Variants in SNX19 observed in about 807,000 individuals in gnomAD.
The protein encoded by SNX19 is sorting nexin-19.
A neutral mutation model predicts 85.2 loss-of-function variants in SNX19; 60 were observed. The ratio of observed to expected loss-of-function variants is 0.70; its 90% CI spans 0.57 to 0.87. The LOEUF (loss-of-function observed/expected upper bound fraction) is 0.87, where lower values mean the gene tolerates loss of function less well. Ranked by LOEUF, SNX19 falls within the 40% of genes least tolerant of loss-of-function variation. SNX19 has a pLI of 0.00. For missense variants in SNX19, 1,201 were observed against 1,217.8 expected, an observed-to-expected ratio of 0.99 and a Z score of 0.21; for synonymous variants, 520 against 470.0, an observed-to-expected ratio of 1.11 and a Z score of -1.38.
intron 9 of SNX19, 110 bp from the exon 10 acceptor site, chr11:130,879,821 G>T: frequency 1.2e-6 from 1 of 831,824 alleles, no homozygotes; most frequent in Non-Finnish European, 2.0e-6. Context: ...AGGTATTTCA[G>T]GCCTACCTCT....
chr11:130,907,813 G>A, intron 5 of SNX19, 140 bp downstream of exon 5: 3 of 1,296,012 alleles, frequency 2.3e-6, no homozygotes, highest in Non-Finnish European at 3.2e-6. Context: ...AGGAGCCTGG[G>A]GTCTAGCTTT....
rs931496002 is a variant in SNX19, at chr11:130,872,663, G to A, written c.*5759C>T. Among the ~76,000 whole-genome samples the A allele has an allele frequency of 7.9e-5, 12 of 152,120 alleles. No homozygotes were observed. Among genetic ancestry groups the A allele is most frequent in the African/African-American group, 2.7e-4 (11 of 41,422 alleles). On this transcript the variant is annotated 3_prime_UTR_variant, in exon 11 of 11. Coordinates refer to ENST00000265909, the MANE Select transcript of SNX19 (RefSeq NM_014758.3). Reference sequence around the variant, plus strand: ...TTTCTTGTCTACAAAGGCAGGGTGAGCGACTGCTGCCCTGTGATTTCTGGC... The same window carrying A: ...TTTCTTGTCTACAAAGGCAGGGTGAACGACTGCTGCCCTGTGATTTCTGGC...
At chr11:130,901,455 A>G (rs183664793) in intron 8 of SNX19, among the ~76,000 whole-genome samples, 195 of 152,150 alleles carry the variant, frequency 1.3e-3, no homozygotes, top group Non-Finnish European at 2.5e-3. Flanking sequence ...GGCCAAGCAG[A>G]CAAGAAGAGG....
At position 130,915,320 on chromosome 11, in the gene SNX19, G is replaced by T. The variant is rs760246853; in HGVS notation, c.620C>A (p.Ala207Asp). 1 of 1,614,204 alleles carries T rather than the reference G, an allele frequency of 6.2e-7. No homozygotes were observed. Among genetic ancestry groups the T allele is most frequent in the Non-Finnish European group, 8.5e-7 (1 of 1,180,024 alleles). The part of the protein sequence containing the change: ...APHPAVHSPS[A>D]EVTYTRGVVN... The stretch of plus-strand genomic sequence containing the variant: ...AACGCCACGCGTATAGGTGACTTCA[G>T]CACTGGGGCTGTGCACAGCAGGATG... Residue 207 changes from alanine to aspartate, a missense_variant, in exon 1 of 11, where the codon GCT becomes GAT. Around this residue, in one of 3 missense-constraint regions of SNX19, gnomAD observed 791 missense variants for 750.9 expected, o/e 1.05. Transcript: ENST00000265909.
At chr11:130,902,301 T>G (rs1945313677) in intron 8 of SNX19, among the ~76,000 whole-genome samples, 1 of 152,252 alleles carries the variant, frequency 6.6e-6, no homozygotes, top group Non-Finnish European at 1.5e-5. Context: ...TTCTTTCACT[T>G]GGTCTCTTTA....
intron 8 of SNX19, chr11:130,894,603 C>A (rs1944743017): frequency 1.0e-6 from 1 of 982,604 alleles, no homozygotes; most frequent in South Asian, 4.7e-5. Context: ...GCAGCGCCAC[C>A]TGGTGCCCAT....
rs748156882 is a variant in SNX19, at chr11:130,878,376, G to A, written c.*46C>T. ...GCTTCCTGACTGGTCTCTGGTGGCCGAGTAACTCTACTTCCCTGACCTGGG... is the reference window on the plus strand; with the variant it reads ...GCTTCCTGACTGGTCTCTGGTGGCCAAGTAACTCTACTTCCCTGACCTGGG... On this transcript the variant is annotated 3_prime_UTR_variant, in exon 11 of 11. Transcript: ENST00000265909. The A allele has an allele frequency of 1.4e-5, 22 of 1,591,908 alleles. No individual in the cohort carries two copies. The African/African-American group carries it at 1.5e-4, about 11-fold the overall frequency.
rs146661386 is a variant in SNX19, at chr11:130,905,671, A to T, written c.2443+282T>A. 9.0e-4 allele frequency: 1,352 copies of T among 1,507,018 alleles called. 4 individuals carry two copies. The Middle Eastern group carries it at 0.011, about 12-fold the overall frequency. 93.4% of individuals were successfully genotyped at this position (1,507,018 alleles called of 1,614,324 possible). A position where few individuals can be genotyped will look rare whatever the true frequency, so the allele number is the denominator to read the frequency against. ...AGAGTCTGATATGCCAAAGCATGCCAAAAATAAGTTTAATGAGTTATCAAT... is the reference window on the plus strand; with the variant it reads ...AGAGTCTGATATGCCAAAGCATGCCTAAAATAAGTTTAATGAGTTATCAAT... On this transcript the variant is annotated intron_variant, in intron 7 of 10. Coordinates refer to ENST00000265909, the MANE Select transcript of SNX19 (RefSeq NM_014758.3).
intron 8 of SNX19, among the ~76,000 whole-genome samples, chr11:130,902,512 T>G (rs942242685): frequency 1.3e-5 from 2 of 152,202 alleles, no homozygotes; most frequent in African/African-American, 4.8e-5. Flanking sequence ...CTTTGGGATG[T>G]GCCAGGACGT....
chr11:130,894,631 C>T (rs7925664), intron 8 of SNX19: 624,465 of 984,440 alleles, frequency 0.63, 198,795 homozygotes, highest in South Asian at 0.73. Context: ...ATTCCTGTGC[C>T]CACGCCATGC....
At chr11:130,899,945 G>A (rs1334883321) in intron 8 of SNX19, among the ~76,000 whole-genome samples, 1 of 152,214 alleles carries the variant, frequency 6.6e-6, no homozygotes, top group South Asian at 2.1e-4. Flanking sequence ...GTGAAAAGAG[G>A]AGAAAGTCTA....
In SNX19 at chr11:130,874,026, G is replaced by GT. The variant is rs755484465; in HGVS notation, c.*4395dup. ...GCCAATGAGTCATAAGAGGTTTTTT[G>GT]TTTTTTTTTTTTTTATTTGGGGTCT... is the stretch of plus-strand genomic sequence containing the variant. On this transcript the variant is annotated 3_prime_UTR_variant, in exon 11 of 11. Coordinates refer to ENST00000265909, the MANE Select transcript of SNX19 (RefSeq NM_014758.3). 1.8e-3 allele frequency among the ~76,000 whole-genome samples: 207 copies of GT among 113,170 alleles called. No individual in the cohort carries two copies. The highest frequency in any genetic ancestry group is 4.6e-3 in the South Asian group (13 of 2,852). The allele number at this position is 113,170 out of a possible 152,430, so 74.2% of individuals were successfully genotyped here. A position where few individuals can be genotyped will look rare whatever the true frequency, so the allele number is the denominator to read the frequency against.
At position 130,914,390 on chromosome 11, in the gene SNX19, C is replaced by A; in HGVS notation, c.1550G>T (p.Ser517Ile). 1 of 1,613,878 alleles carries A rather than the reference C, an allele frequency of 6.2e-7. No individual in the cohort carries two copies. The highest frequency in any genetic ancestry group is 8.5e-7 in the Non-Finnish European group (1 of 1,179,860). Residue 517 changes from serine to isoleucine, a missense_variant, in exon 1 of 11, where the codon AGC (serine) becomes ATC (isoleucine). Transcript: ENST00000265909. ...PPGPLSSATF[S>I]FEPLSSPDGP... The stretch of plus-strand genomic sequence containing the variant: ...ATCGGGACTGCTTAGGGGCTCAAAG[C>A]TGAAGGTGGCTGAGCTGAGAGGACC...
chr11:130,911,122 G>A (rs1024468623), intron 2 of SNX19, among the ~76,000 whole-genome samples: 5 of 151,636 alleles, frequency 3.3e-5, no homozygotes, highest in Admixed American at 6.6e-5. Context: ...CTGAACCTGG[G>A]AGGCGGAGGT....
Position 130,879,656 on chromosome 11 carries a change from G to A in SNX19, c.2814C>T (p.Val938=). ...VNKCRLSWGL[V]LESLQQPLIN... ...TGAGGGGTTGTTGTAGTGACTCCAG[G>A]ACTAGACCCCAGCTCAGCCGGCATT... is the stretch of plus-strand genomic sequence containing the variant. Residue 938 remains valine (V), a synonymous_variant, in exon 10 of 11, where the codon GTC becomes GTT. Coordinates refer to ENST00000265909, the MANE Select transcript of SNX19 (RefSeq NM_014758.3). 6.2e-7 allele frequency: 1 copy of A among 1,613,854 alleles called. No individual in the cohort carries two copies. The highest frequency in any genetic ancestry group is 8.5e-7 in the Non-Finnish European group (1 of 1,179,926).
intron 8 of SNX19, among the ~76,000 whole-genome samples, chr11:130,885,595 GGAA>G (rs963723086): frequency 3.3e-5 from 5 of 152,152 alleles, no homozygotes; most frequent in Non-Finnish European, 5.9e-5. Flanking sequence ...GAGGAGAAAG[GGAA>G]GAAGATACTA....
intron 8 of SNX19, among the ~76,000 whole-genome samples, chr11:130,895,380 C>A (rs984988799): frequency 4.6e-5 from 7 of 152,206 alleles, no homozygotes; most frequent in African/African-American, 1.7e-4. Flanking sequence ...AGCAGAGGGA[C>A]TGCCTCCAGT....
intron 4 of SNX19, among the ~76,000 whole-genome samples, chr11:130,909,255 C>A (rs1402316624): frequency 6.7e-6 from 1 of 149,782 alleles, no homozygotes; most frequent in Non-Finnish European, 1.5e-5. Context: ...CCCAGTTGAT[C>A]CCTTTTTAGT....
Position 130,914,876 on chromosome 11 carries a change from T to C in SNX19, c.1064A>G (p.His355Arg). Residue 355 changes from histidine (H) to arginine (R), a missense_variant, in exon 1 of 11, where the codon CAT (histidine) becomes CGT (arginine). Physicochemically the swap from His to Arg is conservative, Grantham distance 29 (BLOSUM62 0). Transcript: ENST00000265909. Reference protein sequence around the residue: ...EERKVGNNSSHFLQPNVRGPL... With the variant: ...EERKVGNNSSRFLQPNVRGPL... ...ACCTCGAACATTTGGCTGTAGGAAA[T>C]GAGATGAGTTGTTTCCTACTTTTCT... 1 of 1,614,046 alleles carries C rather than the reference T, an allele frequency of 6.2e-7. No homozygotes were observed. Among genetic ancestry groups the C allele is most frequent in the African/African-American group, 1.3e-5 (1 of 75,014 alleles).
Sources: allele counts gnomAD v4.1 joint callset (sites outside exome capture counted in the v4.1 genomes callset), GRCh38; gene constraint gnomAD v4.1.1; regional missense constraint gnomAD v4.1.1; transcripts MANE v1.5; gene names NCBI Gene and HGNC (gene_info 2026-07-23, HGNC 2026-07-21).